Variants in FOXN3 observed in about 807,000 individuals in gnomAD.
FOXN3 encodes the protein forkhead box protein N3.
FOXN3 carries 7 observed loss-of-function variants against 38.4 expected under a neutral mutation model. The ratio of observed to expected loss-of-function variants is 0.18; its 90% CI spans 0.10 to 0.34. The LOEUF (loss-of-function observed/expected upper bound fraction) is 0.34. FOXN3 is among the 10% of genes least tolerant of loss of function. The pLI is 1.00. For synonymous variants in FOXN3, 230 were observed against 242.2 expected, an observed-to-expected ratio of 0.95 and a Z score of 0.47; for missense variants, 456 against 613.4, an observed-to-expected ratio of 0.74 and a Z score of 2.71.
chr14:89,611,564 T>C (rs1211334390), intron 1 of FOXN3, among the ~76,000 whole-genome samples: 1 of 152,136 alleles, frequency 6.6e-6, no homozygotes, highest in Non-Finnish European at 1.5e-5. Context: ...CCCAGCACTT[T>C]GGGAGGCCAA....
At chr14:89,553,238 C>CAA (rs146581490) in intron 1 of FOXN3, among the ~76,000 whole-genome samples, 109 of 78,994 alleles carry the variant, frequency 1.4e-3, no homozygotes, top group African/African-American at 3.0e-3. Flanking sequence ...GACCCTGTCC[C>CAA]AAAAAAAAAA....
At chr14:89,567,877 T>C (rs1895395261) in intron 1 of FOXN3, among the ~76,000 whole-genome samples, 4 of 151,880 alleles carry the variant, frequency 2.6e-5, no homozygotes, top group Admixed American at 2.6e-4. Context: ...TGCCCGCCAC[T>C]ACGCCTGGCT....
Position 89,431,904 on chromosome 14 carries a change from G to A in FOXN3, c.-14-19414C>T, listed in dbSNP as rs541081266. 2.2e-4 allele frequency among the ~76,000 whole-genome samples: 33 copies of A among 151,308 alleles called. 1 individual carries two copies. The highest frequency in any genetic ancestry group is 6.9e-3 in the Middle Eastern group (2 of 290). ...TAATTTTTGTATTTTTAGTACAGAC[G>A]GGGTTTCACCATGTTGGTCAGGCTG... On this transcript the variant is annotated intron_variant, in intron 1 of 6. Transcript: ENST00000345097.
chr14:89,220,012 T>C (rs1033084066), intron 4 of FOXN3, among the ~76,000 whole-genome samples: 2 of 152,164 alleles, frequency 1.3e-5, no homozygotes, highest in African/African-American at 4.8e-5. Context: ...TGTATATAAT[T>C]CCATACTGAT....
At chr14:89,277,703 A>G (rs2139912906) in intron 4 of FOXN3, among the ~76,000 whole-genome samples, 1 of 152,282 alleles carries the variant, frequency 6.6e-6, no homozygotes, top group Non-Finnish European at 1.5e-5. Context: ...TCCACTCTAA[A>G]CCAAACAACG....
chr14:89,333,235 TG>T, intron 3 of FOXN3: 1 of 156,008 alleles, frequency 6.4e-6, no homozygotes, highest in South Asian at 1.6e-4. Context: ...AAGACCAGCC[TG>T]GCCAAGATGG....
At chr14:89,609,463 A>C (rs746128160) in intron 1 of FOXN3, among the ~76,000 whole-genome samples, 1 of 152,228 alleles carries the variant, frequency 6.6e-6, no homozygotes, top group South Asian at 2.1e-4. Flanking sequence ...CATTGACAAC[A>C]TAACAATAAA....
chr14:89,428,108 C>A (rs1387424460), intron 1 of FOXN3, among the ~76,000 whole-genome samples: 5 of 152,308 alleles, frequency 3.3e-5, no homozygotes, highest in Middle Eastern at 3.4e-3. Flanking sequence ...ACAATTGATT[C>A]TTCTCTCTAC....
chr14:89,229,149 C>T (rs1256298729), intron 4 of FOXN3, among the ~76,000 whole-genome samples: 5 of 152,146 alleles, frequency 3.3e-5, no homozygotes, highest in Non-Finnish European at 2.9e-5. Flanking sequence ...AGGATGGCTG[C>T]TCTCCAGCAC....
intron 3 of FOXN3, among the ~76,000 whole-genome samples, chr14:89,305,417 G>A (rs905282579): frequency 6.6e-6 from 1 of 152,210 alleles, no homozygotes; most frequent in Non-Finnish European, 1.5e-5. Context: ...ACCCAAGTAC[G>A]AAGTGAGCAG....
chr14:89,407,843 C>T (rs1284818930), intron 2 of FOXN3, among the ~76,000 whole-genome samples: 1 of 151,850 alleles, frequency 6.6e-6, no homozygotes, highest in Non-Finnish European at 1.5e-5. Flanking sequence ...AACAAAAAAC[C>T]GAAAAACAAC....
chr14:89,564,437 C>T (rs1895307867), intron 1 of FOXN3, among the ~76,000 whole-genome samples: 1 of 152,186 alleles, frequency 6.6e-6, no homozygotes, highest in Non-Finnish European at 1.5e-5. Flanking sequence ...GATTGACTCA[C>T]ATGCCCTCCT....
At chr14:89,465,993 T>C (rs1189477189) in intron 1 of FOXN3, among the ~76,000 whole-genome samples, 1 of 152,238 alleles carries the variant, frequency 6.6e-6, no homozygotes, top group East Asian at 1.9e-4. Flanking sequence ...CTTTATTCAC[T>C]TATGCACATG....
intron 1 of FOXN3, among the ~76,000 whole-genome samples, chr14:89,574,211 C>T (rs1895552539): frequency 2.0e-5 from 3 of 152,190 alleles, no homozygotes; most frequent in African/African-American, 7.2e-5. Context: ...AGCAGACCCC[C>T]ACCTCTTCCT....
At chr14:89,186,753 G>A (rs1422402457) in intron 4 of FOXN3, among the ~76,000 whole-genome samples, 3 of 152,216 alleles carry the variant, frequency 2.0e-5, no homozygotes, top group Non-Finnish European at 2.9e-5. Context: ...ATGCTGCCAG[G>A]AGGACAAAAT....
Position 89,395,622 on chromosome 14 carries a change from C to T in FOXN3, c.543+16312G>A, listed in dbSNP as rs73327025. 6.6e-3 allele frequency among the ~76,000 whole-genome samples: 1,003 copies of T among 152,218 alleles called. 5 individuals are homozygous for T. Among genetic ancestry groups the T allele is most frequent in the African/African-American group, 0.012 (504 of 41,530 alleles). On this transcript the variant is annotated intron_variant, in intron 2 of 5. Coordinates refer to ENST00000557258, the MANE Select transcript of FOXN3 (RefSeq NM_005197.4). ...GGACAGAAACTATACCTTCATCATC[C>T]GGCTTTCCTGATGCCTAGCATAAGC...
At chr14:89,364,798 C>A (rs939661534) in intron 2 of FOXN3, 3 of 152,176 alleles carry the variant, frequency 2.0e-5, no homozygotes, top group African/African-American at 7.2e-5. Context: ...TACCTCAGAA[C>A]GCCCCTCCAT....
chr14:89,329,787 C>T (rs1042619203), intron 3 of FOXN3, among the ~76,000 whole-genome samples: 7 of 131,648 alleles, frequency 5.3e-5, no homozygotes, highest in Admixed American at 1.9e-4. Context: ...ACCCGGGAGG[C>T]GGAGCTTGCA....
At chr14:89,474,523 G>T (rs1893170637) in intron 1 of FOXN3, among the ~76,000 whole-genome samples, 1 of 152,164 alleles carries the variant, frequency 6.6e-6, no homozygotes, top group South Asian at 2.1e-4. Flanking sequence ...CTCTTTTATG[G>T]AGTAATAATT....
Sources: gnomAD v4.1 joint callset for allele counts (sites outside exome capture counted in the v4.1 genomes callset) on GRCh38, gnomAD v4.1.1 for gene constraint, MANE v1.5 for transcripts, NCBI Gene and HGNC (gene_info 2026-07-23, HGNC 2026-07-21) for gene names.